Variants in HPSE2 observed in about 807,000 individuals in gnomAD.
The protein encoded by HPSE2 is heparanase 2 (inactive).
Under a neutral mutation model 60.5 loss-of-function variants are expected in HPSE2, and 38 were observed. That is an observed-to-expected ratio of 0.63 (90% CI 0.48 to 0.82). HPSE2 has a LOEUF of 0.82. HPSE2 is among the 40% of genes least tolerant of loss of function. The probability of loss-of-function intolerance (pLI) is 0.00; values close to 1 mark genes in which losing one functional copy is unlikely to be tolerated. For missense variants in HPSE2, 713 were observed against 740.4 expected, an observed-to-expected ratio of 0.96 and a Z score of 0.43; for synonymous variants, 295 against 293.2, an observed-to-expected ratio of 1.01 and a Z score of -0.06.
the HPSE2 span, among the ~76,000 whole-genome samples, chr10:99,315,116 G>T: frequency 6.6e-6 from 1 of 152,050 alleles, no homozygotes; most frequent in Admixed American, 6.6e-5. Flanking sequence ...TTAAAACTAG[G>T]GACATAGTAT....
At chr10:98,676,570 G>C (rs1565071021) in intron 6 of HPSE2, among the ~76,000 whole-genome samples, 1 of 152,162 alleles carries the variant, frequency 6.6e-6, no homozygotes, top group Non-Finnish European at 1.5e-5. Context: ...CTGATGACCT[G>C]CAGTGAACTA....
Position 98,908,657 on chromosome 10 carries a change from C to T in HPSE2, c.611-164601G>A, listed in dbSNP as rs1410402327. Among the ~76,000 whole-genome samples, 23 of 117,520 alleles carry T rather than the reference C, an allele frequency of 2.0e-4. No homozygotes were observed. In the Admixed American group the frequency reaches 2.1e-3, roughly 11 times the overall value. 77.1% of individuals were successfully genotyped at this position (117,520 alleles called of 152,430 possible). A position where few individuals can be genotyped will look rare whatever the true frequency, so the allele number is the denominator to read the frequency against. On this transcript the variant is annotated intron_variant, in intron 3 of 11. Transcript: ENST00000370552. ...GAGATCGTGCCGTTGCACTCCAGCC[C>T]AGGCAACAAGAGCGTAGCTCCATCT...
At chr10:98,717,847 T>G (rs921374320) in intron 5 of HPSE2, among the ~76,000 whole-genome samples, 3 of 152,080 alleles carry the variant, frequency 2.0e-5, no homozygotes, top group Admixed American at 2.0e-4. Context: ...TCAATATATG[T>G]GAAGCGCAAT....
In HPSE2 at chr10:99,057,182, C is replaced by T. The variant is rs140957169; in HGVS notation, c.610+87056G>A. Among the ~76,000 whole-genome samples the T allele has an allele frequency of 2.0e-5, 3 of 152,196 alleles. No individual in the cohort carries two copies. In the East Asian group the frequency reaches 5.8e-4, roughly 29 times the overall value. Reference sequence around the variant, plus strand: ...TCAAATTGTACATGTAAGATGTTTGCATTTTACCACATATAAATTTTACTT... The same window carrying T: ...TCAAATTGTACATGTAAGATGTTTGTATTTTACCACATATAAATTTTACTT... On this transcript the variant is annotated intron_variant, in intron 3 of 11. Coordinates refer to ENST00000370552, the MANE Select transcript of HPSE2 (RefSeq NM_021828.5).
At chr10:98,472,841 A>T (rs1940836125) in intron 11 of HPSE2, among the ~76,000 whole-genome samples, 1 of 152,244 alleles carries the variant, frequency 6.6e-6, no homozygotes, top group African/African-American at 2.4e-5. Flanking sequence ...TTAGAAAAAT[A>T]GCAAATAAAA....
intron 3 of HPSE2, among the ~76,000 whole-genome samples, chr10:98,930,289 T>G (rs1210760455): frequency 6.9e-6 from 1 of 144,072 alleles, no homozygotes; most frequent in Non-Finnish European, 1.5e-5. Context: ...TCCAGCTTAA[T>G]CTATGTTCCT....
At chr10:98,648,118 G>T (rs920878377) in intron 6 of HPSE2, among the ~76,000 whole-genome samples, 1 of 152,160 alleles carries the variant, frequency 6.6e-6, no homozygotes, top group Admixed American at 6.5e-5. Context: ...CATGCCAAGG[G>T]CTCCATTTTC....
chr10:99,177,454 A>G (rs1847571633), intron 2 of HPSE2, among the ~76,000 whole-genome samples: 1 of 152,212 alleles, frequency 6.6e-6, no homozygotes, highest in Non-Finnish European at 1.5e-5. Context: ...AAGCAAAAAA[A>G]AAGCAGGGGT....
chr10:99,011,883 C>T (rs1194466302), intron 3 of HPSE2, among the ~76,000 whole-genome samples: 4 of 151,180 alleles, frequency 2.6e-5, no homozygotes, highest in Non-Finnish European at 4.4e-5. Context: ...TTCAAAAATG[C>T]TTGCATTTTA....
the HPSE2 span, among the ~76,000 whole-genome samples, chr10:99,308,764 G>C: frequency 3.1e-5 from 2 of 64,628 alleles, no homozygotes; most frequent in East Asian, 3.2e-4. Flanking sequence ...CACTGAAAAT[G>C]TCAAATCCTA....
At chr10:98,541,292 C>T (rs926025360) in intron 9 of HPSE2, among the ~76,000 whole-genome samples, 1 of 152,076 alleles carries the variant, frequency 6.6e-6, no homozygotes, top group African/African-American at 2.4e-5. Flanking sequence ...ATTAAAACAT[C>T]GCAATTGCCT....
chr10:99,034,294 A>G (rs1283750922), intron 3 of HPSE2, among the ~76,000 whole-genome samples: 2 of 152,172 alleles, frequency 1.3e-5, no homozygotes, highest in African/African-American at 4.8e-5. Context: ...ATGACGTTGG[A>G]AAAAGGCAAA....
chr10:98,759,995 C>G (rs1949969346), intron 3 of HPSE2, among the ~76,000 whole-genome samples: 1 of 151,860 alleles, frequency 6.6e-6, no homozygotes, highest in Admixed American at 6.6e-5. Context: ...GTATGCAAAT[C>G]TTTCACTTTT....
At chr10:98,888,135 AACACACACACACAC>A (rs3043548) in intron 3 of HPSE2, among the ~76,000 whole-genome samples, 50 of 140,804 alleles carry the variant, frequency 3.6e-4, no homozygotes, top group African/African-American at 7.3e-4. Flanking sequence ...TTTTAAAACA[AACACACACACACAC>A]ACACACACAC....
At chr10:98,965,535 C>CAGACTGATTGAATGCCTACCATGTG (rs1955792163) in intron 3 of HPSE2, among the ~76,000 whole-genome samples, 1 of 152,042 alleles carries the variant, frequency 6.6e-6, no homozygotes. Context: ...TTCAATGATT[C>CAGACTGATTGAATGCCTACCATGTG]TCTTCTCTAA....
At chr10:98,986,639 G>A (rs1184617875) in intron 3 of HPSE2, among the ~76,000 whole-genome samples, 15 of 139,778 alleles carry the variant, frequency 1.1e-4, no homozygotes, top group African/African-American at 2.5e-4. Context: ...AAATAACTAA[G>A]ATCAGAGCAG....
intron 2 of HPSE2, among the ~76,000 whole-genome samples, chr10:99,148,116 C>T (rs1480201619): frequency 1.3e-5 from 2 of 152,148 alleles, no homozygotes; most frequent in Admixed American, 6.6e-5. Context: ...TTAACAGAAC[C>T]AGAACATGCA....
chr10:98,719,419 T>A, intron 5 of HPSE2, among the ~76,000 whole-genome samples: 1 of 151,828 alleles, frequency 6.6e-6, no homozygotes, highest in East Asian at 1.9e-4. Context: ...TGCCTCAACA[T>A]GTCAGAGAAG....
At chr10:98,860,577 G>T (rs1181708981) in intron 3 of HPSE2, among the ~76,000 whole-genome samples, 1 of 152,174 alleles carries the variant, frequency 6.6e-6, no homozygotes, top group Non-Finnish European at 1.5e-5. Flanking sequence ...CCCATTTACA[G>T]ATGGGGAAAC....
Sources: allele counts gnomAD v4.1 joint callset (sites outside exome capture counted in the v4.1 genomes callset), GRCh38; gene constraint gnomAD v4.1.1; transcripts MANE v1.5; gene names NCBI Gene and HGNC (gene_info 2026-07-23, HGNC 2026-07-21).